Variants in SDCCAG8 observed in about 807,000 individuals in gnomAD.
SDCCAG8 encodes the protein serologically defined colon cancer antigen 8.
In SDCCAG8, 74 loss-of-function variants were observed where a neutral mutation model predicts 101.8. The ratio of observed to expected loss-of-function variants is 0.73; its 90% CI spans 0.60 to 0.88. The LOEUF is 0.88. SDCCAG8 is among the 40% of genes least tolerant of loss of function. SDCCAG8 has a pLI of 0.00. For synonymous variants in SDCCAG8, 281 were observed against 292.9 expected (o/e 0.96, Z 0.41); for missense variants, 787 against 822.6 (o/e 0.96, Z 0.53).
intron 12 of SDCCAG8, among the ~76,000 whole-genome samples, chr1:243,361,058 G>A (rs536800778): frequency 1.1e-3 from 161 of 152,208 alleles, no homozygotes; most frequent in Non-Finnish European, 1.7e-3. Flanking sequence ...CAGCTTGTCC[G>A]AGCTCTCTTG....
intron 12 of SDCCAG8, among the ~76,000 whole-genome samples, chr1:243,362,140 A>G (rs1366269000): frequency 1.3e-5 from 2 of 151,738 alleles, no homozygotes; most frequent in African/African-American, 4.8e-5. Context: ...GACTGCCTCA[A>G]GTAACACAGT....
chr1:243,387,904 C>T (rs1164837850), intron 13 of SDCCAG8, among the ~76,000 whole-genome samples: 2 of 151,950 alleles, frequency 1.3e-5, no homozygotes, highest in African/African-American at 2.4e-5. Context: ...TTAGTAGAGA[C>T]GGGGTTTCAC....
intron 12 of SDCCAG8, among the ~76,000 whole-genome samples, chr1:243,368,221 AAAAGAAG>A (rs1428461331): frequency 6.6e-6 from 1 of 151,946 alleles, no homozygotes; most frequent in Non-Finnish European, 1.5e-5. Flanking sequence ...CAAAAAAAAA[AAAAGAAG>A]AAGAAGAGAA....
intron 1 of SDCCAG8, chr1:243,267,337 C>A: frequency 4.1e-6 from 1 of 243,174 alleles, no homozygotes; most frequent in Non-Finnish European, 8.1e-6. Context: ...TGGCTTACGC[C>A]TGTAATCCCA....
chr1:243,285,685 T>G (rs562051082), intron 4 of SDCCAG8, among the ~76,000 whole-genome samples: 33 of 152,322 alleles, frequency 2.2e-4, no homozygotes, highest in Non-Finnish European at 4.7e-4. Context: ...GACCTGTAAT[T>G]TCTTATGTTA....
chr1:243,378,795 G>A lies in SDCCAG8; in HGVS notation c.1548G>A (p.Leu516=), dbSNP rs768946969. ...HLEQEQQKAA[L]AREECLRLTE... ...AACAGGAGCAGCAGAAGGCAGCCCT[G>A]GCCAGAGAGGAGTGCCTGAGACTAA... The change falls in exon 13 of 18, where the codon CTG becomes CTA. Residue 516 remains leucine (L), a synonymous_variant. Coordinates refer to ENST00000366541, the MANE Select transcript of SDCCAG8 (RefSeq NM_006642.5). The A allele has an allele frequency of 6.2e-7, 1 of 1,614,082 alleles. No homozygotes were observed. Among genetic ancestry groups the A allele is most frequent in the South Asian group, 1.1e-5 (1 of 91,084 alleles).
At chr1:243,428,353 A>G (rs1021578789) in intron 16 of SDCCAG8, among the ~76,000 whole-genome samples, 2 of 152,254 alleles carry the variant, frequency 1.3e-5, no homozygotes, top group Non-Finnish European at 2.9e-5. Context: ...AAGTAGATAT[A>G]GTTCCCACTC....
chr1:243,413,072 TGG>T (rs1010950666), intron 13 of SDCCAG8, among the ~76,000 whole-genome samples: 19 of 152,312 alleles, frequency 1.2e-4, no homozygotes, highest in African/African-American at 4.6e-4. Context: ...GAGGGAAATT[TGG>T]GGAAGGATTC....
intron 5 of SDCCAG8, 106 bp from the exon 6 acceptor site, chr1:243,292,985 A>G: frequency 1.5e-6 from 2 of 1,317,242 alleles, no homozygotes; most frequent in Non-Finnish European, 2.2e-6. Flanking sequence ...GTAGAAGCAT[A>G]TGCTTTTTCT....
chr1:243,318,439 A>G lies in SDCCAG8; in HGVS notation c.1068+1546A>G, dbSNP rs149964616. The G allele has an allele frequency of 3.5e-5, 13 of 371,118 alleles. No homozygotes were observed. In the Admixed American group the frequency reaches 6.4e-4, roughly 18 times the overall value. 23.0% of individuals were successfully genotyped at this position (371,118 alleles called of 1,614,324 possible). A position where few individuals can be genotyped will look rare whatever the true frequency, so the allele number is the denominator to read the frequency against. ...ATACCTGGGTGATAAAATAATCTGT[A>G]TAACAAAACCCCGTGACATGAGTTT... On this transcript the variant is annotated intron_variant, in intron 9 of 17. Coordinates refer to ENST00000366541, the MANE Select transcript of SDCCAG8 (RefSeq NM_006642.5).
At chr1:243,287,854 T>C (rs181290917) in intron 5 of SDCCAG8, among the ~76,000 whole-genome samples, 189 of 152,186 alleles carry the variant, frequency 1.2e-3, no homozygotes, top group African/African-American at 4.4e-3. Context: ...GAAAGGAAAT[T>C]AGGCAGACAA....
At position 243,322,042 on chromosome 1, in the gene SDCCAG8, C is replaced by A. The variant is rs546507268; in HGVS notation, c.1068+5149C>A. 2.4e-4 allele frequency among the ~76,000 whole-genome samples: 36 copies of A among 152,204 alleles called. No individual in the cohort carries two copies. In the South Asian group the frequency reaches 7.1e-3, roughly 30 times the overall value. On this transcript the variant is annotated intron_variant, in intron 9 of 17. Transcript: ENST00000366541. ...GATATATATCCCTTGGGGTATATAC[C>A]CAGGAATGGGATTGCTGTGTTGAAT...
At chr1:243,353,533 C>T (rs951672824) in intron 12 of SDCCAG8, among the ~76,000 whole-genome samples, 11 of 96,718 alleles carry the variant, frequency 1.1e-4, no homozygotes, top group African/African-American at 2.9e-4. Flanking sequence ...AGAATGTTGC[C>T]CAGCACGGAT....
intron 17 of SDCCAG8, among the ~76,000 whole-genome samples, chr1:243,496,948 C>T (rs367990064): frequency 5.9e-5 from 9 of 152,308 alleles, no homozygotes; most frequent in African/African-American, 1.7e-4. Context: ...GTGGCCAGGG[C>T]GCCCTGTCGC....
At chr1:243,498,706 CCT>C (rs2148325557) in intron 17 of SDCCAG8, among the ~76,000 whole-genome samples, 1 of 152,332 alleles carries the variant, frequency 6.6e-6, no homozygotes, top group Admixed American at 6.5e-5. Flanking sequence ...CACTCATTGC[CCT>C]GTCTTGGAAA....
chr1:243,489,051 C>T lies in SDCCAG8; in HGVS notation c.2023C>T (p.Gln675Ter). 6.2e-7 allele frequency: 1 copy of T among 1,613,416 alleles called. No homozygotes were observed. The highest frequency in any genetic ancestry group is 8.5e-7 in the Non-Finnish European group (1 of 1,180,014). The change falls in exon 17 of 18, where the codon CAG (glutamine) becomes TAG (stop). Residue 675 changes from glutamine to a stop codon, truncating the protein, a stop_gained. Transcript: ENST00000366541. LOFTEE classifies it high-confidence loss of function. ...QLDKHSQATA[Q>*]QLVQLLSKQN... The stretch of plus-strand genomic sequence containing the variant: ...GGATAAGCACAGCCAGGCCACAGCC[C>T]AGCAGCTGGTGCAGCTCCTCAGCAA...
chr1:243,390,666 C>T (rs2078647032), intron 13 of SDCCAG8, among the ~76,000 whole-genome samples: 1 of 152,206 alleles, frequency 6.6e-6, no homozygotes, highest in Non-Finnish European at 1.5e-5. Flanking sequence ...CATAGGCCCA[C>T]AGCCTGGAGC....
chr1:243,351,634 C>T lies in SDCCAG8; in HGVS notation c.1473+7303C>T, dbSNP rs552331873. 2.0e-5 allele frequency among the ~76,000 whole-genome samples: 3 copies of T among 152,302 alleles called. No homozygotes were observed. In the East Asian group the frequency reaches 5.8e-4, roughly 29 times the overall value. On this transcript the variant is annotated intron_variant, in intron 12 of 17. Coordinates refer to ENST00000366541, the MANE Select transcript of SDCCAG8 (RefSeq NM_006642.5). ...ATTTGTGTTCTTATCGCAGCCTAACCAAGAATTCTGAGAAAATTCTTCAGC... is the reference window on the plus strand; with the variant it reads ...ATTTGTGTTCTTATCGCAGCCTAACTAAGAATTCTGAGAAAATTCTTCAGC...
chr1:243,408,868 TA>T (rs1298728699), intron 13 of SDCCAG8, among the ~76,000 whole-genome samples: 1 of 152,216 alleles, frequency 6.6e-6, no homozygotes, highest in Non-Finnish European at 1.5e-5. Flanking sequence ...CATTAGTAAT[TA>T]GTAGCTTCTT....
Sources: gnomAD v4.1 joint callset for allele counts (sites outside exome capture counted in the v4.1 genomes callset) on GRCh38, gnomAD v4.1.1 for gene constraint, MANE v1.5 for transcripts, NCBI Gene and HGNC (gene_info 2026-07-23, HGNC 2026-07-21) for gene names.